The following LRMDA variants were observed in gnomAD, a reference collection of about 807,000 sequenced individuals.
The protein encoded by LRMDA is leucine rich melanocyte differentiation associated.
Under a neutral mutation model 29.8 loss-of-function variants are expected in LRMDA, and 18 were observed. The ratio of observed to expected loss-of-function variants is 0.60; its 90% CI spans 0.42 to 0.90. LRMDA has a LOEUF of 0.90. LRMDA is among the 40% of genes least tolerant of loss of function. The pLI, the probability that LRMDA is intolerant of heterozygous loss-of-function variation, is 0.00. For missense variants in LRMDA, 273 were observed against 273.9 expected (o/e 1.00, Z 0.02); for synonymous variants, 125 against 109.4 (o/e 1.14, Z -0.89).
At chr10:76,301,786 T>C in intron 5 of LRMDA, among the ~76,000 whole-genome samples, 1 of 152,262 alleles carries the variant, frequency 6.6e-6, no homozygotes, top group South Asian at 2.1e-4. Context: ...ATAATAAAAA[T>C]GGTTACTGAT....
At chr10:75,963,646 G>A (rs898656110) in intron 2 of LRMDA, among the ~76,000 whole-genome samples, 13 of 152,198 alleles carry the variant, frequency 8.5e-5, no homozygotes, top group Non-Finnish European at 1.9e-4. Context: ...AATCTGGGAA[G>A]GTTACATCTT....
chr10:76,004,460 G>T (rs1380684296), intron 2 of LRMDA, among the ~76,000 whole-genome samples: 1 of 152,172 alleles, frequency 6.6e-6, no homozygotes, highest in Non-Finnish European at 1.5e-5. Context: ...GATTGACGCA[G>T]AGTAAACTGC....
intron 5 of LRMDA, among the ~76,000 whole-genome samples, chr10:76,283,885 T>C (rs916583611): frequency 6.6e-6 from 1 of 152,170 alleles, no homozygotes; most frequent in African/African-American, 2.4e-5. Context: ...AGGCTGATCT[T>C]GAACTCCTTG....
intron 5 of LRMDA, among the ~76,000 whole-genome samples, chr10:76,095,697 T>C (rs1233469729): frequency 6.6e-6 from 1 of 152,254 alleles, no homozygotes; most frequent in African/African-American, 2.4e-5. Context: ...TTAGTTTCAA[T>C]TTTTGCCTTT....
intron 6 of LRMDA, among the ~76,000 whole-genome samples, chr10:76,439,373 G>A (rs192355541): frequency 6.6e-6 from 1 of 152,262 alleles, no homozygotes; most frequent in Non-Finnish European, 1.5e-5. Flanking sequence ...GCTAATTAGG[G>A]CCAATTACTT....
chr10:76,085,625 G>A (rs1849121152), intron 5 of LRMDA, among the ~76,000 whole-genome samples: 1 of 152,142 alleles, frequency 6.6e-6, no homozygotes, highest in Non-Finnish European at 1.5e-5. Flanking sequence ...CTGACCCTGT[G>A]TCCTTGGAGA....
chr10:75,796,858 C>T (rs1483616484), intron 2 of LRMDA, among the ~76,000 whole-genome samples: 8 of 152,194 alleles, frequency 5.3e-5, no homozygotes, highest in Non-Finnish European at 7.4e-5. Flanking sequence ...AGCCACTGTG[C>T]CCAGTCAATT....
At chr10:75,994,116 G>C (rs1310843321) in intron 2 of LRMDA, among the ~76,000 whole-genome samples, 2 of 152,192 alleles carry the variant, frequency 1.3e-5, no homozygotes, top group African/African-American at 4.8e-5. Flanking sequence ...CTAAGTTATA[G>C]ATGAATGACA....
chr10:75,574,624 C>T (rs1355876135), intron 2 of LRMDA, among the ~76,000 whole-genome samples: 3 of 152,132 alleles, frequency 2.0e-5, no homozygotes, highest in Non-Finnish European at 4.4e-5. Context: ...CCTTCTTCTT[C>T]CCCTCCCCTC....
intron 2 of LRMDA, among the ~76,000 whole-genome samples, chr10:75,692,508 C>CATATATAT: frequency 6.8e-6 from 1 of 147,678 alleles, no homozygotes; most frequent in Non-Finnish European, 1.5e-5. Flanking sequence ...TATATGTATA[C>CATATATAT]ATGTGTGTAT....
intron 2 of LRMDA, among the ~76,000 whole-genome samples, chr10:75,863,156 A>G (rs965736236): frequency 6.6e-6 from 1 of 152,012 alleles, no homozygotes; most frequent in Non-Finnish European, 1.5e-5. Flanking sequence ...TCATTATGTT[A>G]TCCTCATTTA....
intron 2 of LRMDA, among the ~76,000 whole-genome samples, chr10:75,680,502 T>C (rs1246095589): frequency 6.6e-6 from 1 of 152,192 alleles, no homozygotes; most frequent in Non-Finnish European, 1.5e-5. Context: ...CATATATATA[T>C]ATATATTTCT....
intron 2 of LRMDA, among the ~76,000 whole-genome samples, chr10:75,441,434 A>G (rs1010976168): frequency 6.6e-6 from 1 of 152,140 alleles, no homozygotes; most frequent in Non-Finnish European, 1.5e-5. Flanking sequence ...CCATGTTATT[A>G]TGTATTGACT....
intron 6 of LRMDA, among the ~76,000 whole-genome samples, chr10:76,525,564 GC>G (rs1843166081): frequency 6.6e-6 from 1 of 152,124 alleles, no homozygotes. Flanking sequence ...GTGTCCTGGG[GC>G]CTGGCCTATA....
At chr10:76,197,834 C>T (rs932755548) in intron 5 of LRMDA, among the ~76,000 whole-genome samples, 2 of 151,922 alleles carry the variant, frequency 1.3e-5, no homozygotes, top group Non-Finnish European at 2.9e-5. Flanking sequence ...GCAGAAGAAT[C>T]GCTTGAACCC....
chr10:75,651,776 C>CATGT (rs1841602608), intron 2 of LRMDA, among the ~76,000 whole-genome samples: 1 of 152,104 alleles, frequency 6.6e-6, no homozygotes, highest in South Asian at 2.1e-4. Context: ...GGTGACTGAG[C>CATGT]ACATTGAGCT....
intron 5 of LRMDA, among the ~76,000 whole-genome samples, chr10:76,289,676 C>T (rs957942636): frequency 6.6e-6 from 1 of 152,158 alleles, no homozygotes; most frequent in Non-Finnish European, 1.5e-5. Flanking sequence ...TGGTGTCTTC[C>T]AATTCCATAC....
intron 2 of LRMDA, among the ~76,000 whole-genome samples, chr10:75,766,862 C>T (rs938415319): frequency 1.2e-4 from 18 of 152,090 alleles, no homozygotes; most frequent in Admixed American, 3.9e-4. Flanking sequence ...TCTCCTTGTT[C>T]AACTCCCACT....
chr10:76,332,622 T>G (rs935908180), intron 6 of LRMDA, among the ~76,000 whole-genome samples: 2 of 152,200 alleles, frequency 1.3e-5, no homozygotes, highest in African/African-American at 4.8e-5. Flanking sequence ...ACATGCTCCC[T>G]TTATCTTAAC....
Sources: allele counts gnomAD v4.1 joint callset (sites outside exome capture counted in the v4.1 genomes callset), GRCh38; gene constraint gnomAD v4.1.1; transcripts MANE v1.5; gene names NCBI Gene and HGNC (gene_info 2026-07-23, HGNC 2026-07-21).